SASH1: variants seen among roughly 807,000 people sequenced by gnomAD.
The protein encoded by SASH1 is SAM and SH3 domain-containing protein 1.
A neutral mutation model predicts 125.2 loss-of-function variants in SASH1; 44 were observed. The ratio of observed to expected loss-of-function variants is 0.35; its 90% CI spans 0.28 to 0.45. The LOEUF is 0.45. Among genes scored for constraint, SASH1 ranks in the 20% least tolerant of loss-of-function variants. The pLI is 1.00. For missense variants in SASH1, 1,426 were observed against 1,614.5 expected (o/e 0.88, Z 2.00); for synonymous variants, 639 against 649.1 (o/e 0.98, Z 0.24).
chr6:148,338,004 T>C (rs1419138594), upstream of SASH1, among the ~76,000 whole-genome samples: 1 of 128,378 alleles, frequency 7.8e-6, no homozygotes, highest in Non-Finnish European at 1.8e-5. Flanking sequence ...AGATTCCTGA[T>C]GGTAAGAGAA....
chr6:148,533,089 C>T lies in SASH1; in HGVS notation c.1734+123C>T, dbSNP rs997534104. 70 of 1,061,430 alleles carry T rather than the reference C, an allele frequency of 6.6e-5. No homozygotes were observed. In the African/African-American group the frequency reaches 8.8e-4, roughly 13 times the overall value. 65.8% of individuals were successfully genotyped at this position (1,061,430 alleles called of 1,614,324 possible). A position where few individuals can be genotyped will look rare whatever the true frequency, so the allele number is the denominator to read the frequency against. On this transcript the variant is annotated intron_variant, in intron 14 of 19. Coordinates refer to ENST00000367467, the MANE Select transcript of SASH1 (RefSeq NM_015278.5). The surrounding 1 kb of genome is among the most constrained non-coding windows in gnomAD (Gnocchi z 6.2). ...TACAGACTGGACAGTATCTTGGCTA[C>T]CTCGATCACTGGTCTCCTCTGTAGT... is the stretch of plus-strand genomic sequence containing the variant.
intron 2 of SASH1, among the ~76,000 whole-genome samples, chr6:148,427,799 G>C (rs1366842504): frequency 1.3e-5 from 2 of 152,296 alleles, no homozygotes; most frequent in Non-Finnish European, 2.9e-5. Flanking sequence ...TTCTGTTCCT[G>C]CCCTGGGTAC....
chr6:148,226,188 T>TA, the SASH1 span, among the ~76,000 whole-genome samples: 3 of 152,200 alleles, frequency 2.0e-5, no homozygotes, highest in Middle Eastern at 6.3e-3. Context: ...TTAAAGAACT[T>TA]AAAGAAAAAT....
Position 148,549,496 on chromosome 6 carries a change from C to T in SASH1, c.*938C>T, listed in dbSNP as rs1028877491. ...AGTATCGTTACTGTGTGGATCGTCG[C>T]GCTGCAGTATTGACTTGGAATCCTG... is the stretch of plus-strand genomic sequence containing the variant. On this transcript the variant is annotated 3_prime_UTR_variant, in exon 20 of 20. Coordinates refer to ENST00000367467, the MANE Select transcript of SASH1 (RefSeq NM_015278.5). 5.8e-5 allele frequency: 23 copies of T among 395,096 alleles called. No homozygotes were observed. In the East Asian group the frequency reaches 6.8e-4, roughly 12 times the overall value. The allele number at this position is 395,096 out of a possible 1,614,324, so 24.5% of individuals were successfully genotyped here. A position where few individuals can be genotyped will look rare whatever the true frequency, so the allele number is the denominator to read the frequency against.
chr6:148,229,133 C>CAAAAAAAAAAAAA, the SASH1 span, among the ~76,000 whole-genome samples: 1 of 60,970 alleles, frequency 1.6e-5, no homozygotes, highest in Non-Finnish European at 3.0e-5. Flanking sequence ...GACTCCATCT[C>CAAAAAAAAAAAAA]AAAAAAAAAA....
At chr6:148,347,854 C>T (rs1228503111) in intron 1 of SASH1, among the ~76,000 whole-genome samples, 3 of 152,158 alleles carry the variant, frequency 2.0e-5, no homozygotes, top group Non-Finnish European at 4.4e-5. Context: ...GAAATGCACC[C>T]TCAACTCTCA....
At chr6:148,390,947 C>T (rs531379878) in intron 2 of SASH1, among the ~76,000 whole-genome samples, 285 of 151,610 alleles carry the variant, frequency 1.9e-3, no homozygotes, top group Non-Finnish European at 3.4e-3. Flanking sequence ...CTTTTCTTCT[C>T]TTTTTCTTTT....
intron 18 of SASH1, among the ~76,000 whole-genome samples, chr6:148,545,802 G>C (rs764415011): frequency 5.9e-5 from 9 of 152,260 alleles, no homozygotes; most frequent in Non-Finnish European, 8.8e-5. Flanking sequence ...TGGGTTGGGT[G>C]TGGTGGCTTA....
At chr6:148,413,896 A>AT (rs774531612) in intron 2 of SASH1, among the ~76,000 whole-genome samples, 1 of 152,116 alleles carries the variant, frequency 6.6e-6, no homozygotes, top group East Asian at 1.9e-4. Context: ...ATGACGAAGC[A>AT]TAAAAAAAAA....
the SASH1 span, among the ~76,000 whole-genome samples, chr6:148,205,276 C>A: frequency 6.6e-6 from 1 of 152,160 alleles, no homozygotes; most frequent in Non-Finnish European, 1.5e-5. Flanking sequence ...GGTTCTTATA[C>A]CTCTGTCGTC....
At chr6:148,543,656 G>T (rs775712999) in intron 17 of SASH1, 24 bp from the exon 18 acceptor site, 1 of 1,511,852 alleles carries the variant, frequency 6.6e-7, no homozygotes, top group Non-Finnish European at 8.9e-7. Flanking sequence ...AAATGTGATT[G>T]TAAAATATTC....
chr6:148,547,828 A>G (rs1023562127), intron 19 of SASH1, among the ~76,000 whole-genome samples: 1 of 152,188 alleles, frequency 6.6e-6, no homozygotes, highest in African/African-American at 2.4e-5. Context: ...TAAATTCTTC[A>G]TAACTTGTAT....
intron 1 of SASH1, among the ~76,000 whole-genome samples, chr6:148,333,027 G>A (rs1475280717): frequency 6.6e-6 from 1 of 151,884 alleles, no homozygotes; most frequent in Admixed American, 6.6e-5. Context: ...CAATCTGCTG[G>A]TATAGATTTT....
the SASH1 span, among the ~76,000 whole-genome samples, chr6:148,232,261 GAGAAGGGAGGATTTAT>G: frequency 1.3e-5 from 2 of 152,174 alleles, no homozygotes; most frequent in Non-Finnish European, 1.5e-5. Context: ...ATAAGTAGGA[GAGAAGGGAGGATTTAT>G]TAATAAGAAT....
chr6:148,482,336 T>C (rs1269913302), intron 7 of SASH1, among the ~76,000 whole-genome samples: 2 of 152,210 alleles, frequency 1.3e-5, no homozygotes, highest in Admixed American at 1.3e-4. Context: ...AAAATAATTA[T>C]TTATACTAAA....
At chr6:148,491,525 C>G (rs1010711379) in intron 8 of SASH1, among the ~76,000 whole-genome samples, 4 of 152,216 alleles carry the variant, frequency 2.6e-5, no homozygotes, top group Admixed American at 2.6e-4. Context: ...CCGCCTCGGC[C>G]TACCAAAGTA....
intron 8 of SASH1, among the ~76,000 whole-genome samples, chr6:148,504,721 G>A (rs1779706562): frequency 1.8e-5 from 2 of 113,184 alleles, no homozygotes; most frequent in Non-Finnish European, 3.5e-5. Context: ...GTGGGCACTA[G>A]GAATGCAAGG....
At chr6:148,357,837 A>G (rs1420121127) in intron 1 of SASH1, among the ~76,000 whole-genome samples, 1 of 152,074 alleles carries the variant, frequency 6.6e-6, no homozygotes, top group Non-Finnish European at 1.5e-5. Context: ...AGGTAGATGG[A>G]TCACCTGAGG....
At chr6:148,508,688 T>C in intron 8 of SASH1, 1 of 1,182,254 alleles carries the variant, frequency 8.5e-7, no homozygotes, top group Non-Finnish European at 1.1e-6. Context: ...CTTCGGATAC[T>C]GAGCTGTGAC....
Sources: gnomAD v4.1 joint callset for allele counts (sites outside exome capture counted in the v4.1 genomes callset) on GRCh38, gnomAD v4.1.1 for gene constraint, Gnocchi (gnomAD v3.1) non-coding constraint, MANE v1.5 for transcripts, NCBI Gene and HGNC (gene_info 2026-07-23, HGNC 2026-07-21) for gene names.